Variants in NEU1 observed in about 807,000 individuals in gnomAD.
The protein encoded by NEU1 is sialidase-1.
NEU1 carries 32 observed loss-of-function variants against 38.3 expected under a neutral mutation model. That is an observed-to-expected ratio of 0.84 (90% CI 0.63 to 1.12). The LOEUF (loss-of-function observed/expected upper bound fraction) is 1.12, where lower values mean the gene tolerates loss of function less well. NEU1 is among the 50% of genes most tolerant of loss of function. The pLI is 0.00. For synonymous variants in NEU1, 192 were observed against 225.2 expected (o/e 0.85, Z 1.32); for missense variants, 431 against 549.2 (o/e 0.78, Z 2.15).
rs1025910167 is a variant in NEU1, at chr6:31,858,711, C to T, written c.*1008G>A. 3 of 151,890 alleles carry T rather than the reference C, an allele frequency of 2.0e-5. No homozygotes were observed. The highest frequency in any genetic ancestry group is 2.9e-5 in the Non-Finnish European group (2 of 67,976). The allele number at this position is 151,890 out of a possible 1,614,324, so 9.4% of individuals were successfully genotyped here. A position where few individuals can be genotyped will look rare whatever the true frequency, so the allele number is the denominator to read the frequency against. On this transcript the variant is annotated 3_prime_UTR_variant, in exon 6 of 6. Coordinates refer to ENST00000375631, the MANE Select transcript of NEU1 (RefSeq NM_000434.4). ...TACACCTGTGAAGATCAACCTGTTT[C>T]TCGGTGATAAGAAGGAATGTAGGCT...
rs1762425506 is a variant in NEU1 at position 31,859,680 on chromosome 6, A to G, written c.*39T>C. The G allele has an allele frequency of 1.3e-6, 2 of 1,595,342 alleles. No homozygotes were observed. Among genetic ancestry groups the G allele is most frequent in the East Asian group, 4.5e-5 (2 of 44,812 alleles). On this transcript the variant is annotated 3_prime_UTR_variant, in exon 6 of 6. Coordinates refer to ENST00000375631, the MANE Select transcript of NEU1 (RefSeq NM_000434.4). Reference sequence around the variant, plus strand: ...TACAGACCCGTGTTCCTGAAGGCAGAGTCCTGAAGGCAGAATACCCCTGTG... The same window carrying G: ...TACAGACCCGTGTTCCTGAAGGCAGGGTCCTGAAGGCAGAATACCCCTGTG...
Position 31,862,620 on chromosome 6 carries a change from G to C in NEU1, c.157C>G (p.Leu53Val). The change falls in exon 1 of 6, where the codon CTG (leucine) becomes GTG (valine). Residue 53 changes from leucine (L) to valine (V), a missense_variant and splice_region_variant. Physicochemically the swap from Leu to Val is conservative, Grantham distance 32. Transcript: ENST00000375631. The surrounding 1 kb of genome is among the most constrained non-coding windows in gnomAD (Gnocchi z 6.3). ...GGGCTATGCAAAGGGTGACTCACCAGACCGAAGTCGTTCTCAGCCTTGGAC... is the reference window on the plus strand; with the variant it reads ...GGGCTATGCAAAGGGTGACTCACCACACCGAAGTCGTTCTCAGCCTTGGAC... ...SWSKAENDFG[L>V]VQPLVTMEQL... 1 of 1,613,118 alleles carries C rather than the reference G, an allele frequency of 6.2e-7. No homozygotes were observed. Among genetic ancestry groups the C allele is most frequent in the Admixed American group, 1.7e-5 (1 of 60,028 alleles).
chr6:31,861,965 T>C (rs1301582096), intron 2 of NEU1, 34 bp downstream of exon 2: 1 of 1,611,360 alleles, frequency 6.2e-7, no homozygotes, highest in South Asian at 1.1e-5. Flanking sequence ...CCATCCAACC[T>C]AGCACCGGCT....
rs553175467 is a variant in NEU1 at position 31,860,374 on chromosome 6, G to A, written c.798+65C>T. ...GAGCAGTCAGACCCTGGGTCTGTGC[G>A]TGAAATGATGTTCTGGAGGGCAGGG... is the stretch of plus-strand genomic sequence containing the variant. On this transcript the variant is annotated intron_variant, in intron 4 of 5. Transcript: ENST00000375631. This position sits in a 1 kb window ranked among gnomAD's most constrained non-coding sequence, Gnocchi z 4.8. The A allele has an allele frequency of 3.4e-4, 544 of 1,608,588 alleles. No individual in the cohort carries two copies. The highest frequency in any genetic ancestry group is 1.0e-3 in the Admixed American group (62 of 59,998).
In NEU1 at chr6:31,860,978, T is replaced by C; in HGVS notation, c.615+210A>G. On this transcript the variant is annotated intron_variant, in intron 3 of 5. Coordinates refer to ENST00000375631, the MANE Select transcript of NEU1 (RefSeq NM_000434.4). This position sits in a 1 kb window ranked among gnomAD's most constrained non-coding sequence, Gnocchi z 4.8. Reference sequence around the variant, plus strand: ...GGTATTGCATGGACTAACGCAGTCCTGTTGACAATGCCAAATGGGAAGCCA... The same window carrying C: ...GGTATTGCATGGACTAACGCAGTCCCGTTGACAATGCCAAATGGGAAGCCA... 1.5e-6 allele frequency: 1 copy of C among 669,760 alleles called. No individual in the cohort carries two copies. Among genetic ancestry groups the C allele is most frequent in the South Asian group, 1.9e-5 (1 of 52,926 alleles). The allele number at this position is 669,760 out of a possible 1,614,324, so 41.5% of individuals were successfully genotyped here.
chr6:31,862,308 C>T lies in NEU1; in HGVS notation c.160-117G>A, dbSNP rs1762553926. ...GGATCCCGAGTAGGGGATGGGGTCC[C>T]AGAACAAGAAAGAGGAACACGAAGG... On this transcript the variant is annotated intron_variant, in intron 1 of 5. Transcript: ENST00000375631. The surrounding 1 kb of genome is among the most constrained non-coding windows in gnomAD (Gnocchi z 6.3). 8 of 1,166,080 alleles carry T rather than the reference C, an allele frequency of 6.9e-6. No individual in the cohort carries two copies. Among genetic ancestry groups the T allele is most frequent in the Non-Finnish European group, 1.0e-5 (8 of 799,174 alleles). The allele number at this position is 1,166,080 out of a possible 1,614,324, so 72.2% of individuals were successfully genotyped here. A position where few individuals can be genotyped will look rare whatever the true frequency, so the allele number is the denominator to read the frequency against.
At position 31,862,544 on chromosome 6, in the gene NEU1, C is replaced by T. The variant is rs1762564998; in HGVS notation, c.159+74G>A. 1 of 1,606,768 alleles carries T rather than the reference C, an allele frequency of 6.2e-7. No homozygotes were observed. The highest frequency in any genetic ancestry group is 1.1e-5 in the South Asian group (1 of 90,974). Reference sequence around the variant, plus strand: ...CTGTCGCGGAAAGTCGGCTCAGCCGCCCGCGTTCCGGGGGACACTAGGTGT... The same window carrying T: ...CTGTCGCGGAAAGTCGGCTCAGCCGTCCGCGTTCCGGGGGACACTAGGTGT... On this transcript the variant is annotated intron_variant, in intron 1 of 5. Coordinates refer to ENST00000375631, the MANE Select transcript of NEU1 (RefSeq NM_000434.4). The surrounding 1 kb of genome is among the most constrained non-coding windows in gnomAD (Gnocchi z 6.3).
Position 31,860,713 on chromosome 6 carries a change from T to G in NEU1, c.616-92A>C. On this transcript the variant is annotated intron_variant, in intron 3 of 5. Transcript: ENST00000375631. This position sits in a 1 kb window ranked among gnomAD's most constrained non-coding sequence, Gnocchi z 4.8. ...CCACCACTTCCCAAATGCAATCACA[T>G]GTATGGTCCCCTTGAGTTCAGCCCT... 7.2e-7 allele frequency: 1 copy of G among 1,396,948 alleles called. No homozygotes were observed. Among genetic ancestry groups the G allele is most frequent in the East Asian group, 2.3e-5 (1 of 43,780 alleles). 86.5% of individuals were successfully genotyped at this position (1,396,948 alleles called of 1,614,324 possible). A position where few individuals can be genotyped will look rare whatever the true frequency, so the allele number is the denominator to read the frequency against.
In NEU1 at chr6:31,859,648, G is replaced by A. The variant is rs1192297318; in HGVS notation, c.*71C>T. The A allele has an allele frequency of 3.4e-6, 5 of 1,476,254 alleles. No individual in the cohort carries two copies. Among genetic ancestry groups the A allele is most frequent in the Admixed American group, 1.7e-5 (1 of 59,466 alleles). 91.4% of individuals were successfully genotyped at this position (1,476,254 alleles called of 1,614,324 possible). On this transcript the variant is annotated 3_prime_UTR_variant, in exon 6 of 6. Coordinates refer to ENST00000375631, the MANE Select transcript of NEU1 (RefSeq NM_000434.4). Reference sequence around the variant, plus strand: ...AACTGTCTTTCAGGCGTCTCCAGCAGACCCTCTACAGACCCGTGTTCCTGA... The same window carrying A: ...AACTGTCTTTCAGGCGTCTCCAGCAAACCCTCTACAGACCCGTGTTCCTGA...
intron 2 of NEU1, 65 bp from the exon 3 acceptor site, chr6:31,861,515 C>T (rs1383933072): frequency 3.1e-6 from 5 of 1,607,248 alleles, no homozygotes; most frequent in African/African-American, 2.7e-5. Context: ...TACCACTTCC[C>T]GTTAATTTCC....
At chr6:31,861,646 C>CA in intron 2 of NEU1, 196 bp from the exon 3 acceptor site, 4 of 678,494 alleles carry the variant, frequency 5.9e-6, no homozygotes, top group Non-Finnish European at 9.9e-6. Flanking sequence ...TTGCAACAGA[C>CA]AAAAAAGTTT....
intron 2 of NEU1, 58 bp from the exon 3 acceptor site, chr6:31,861,508 C>A (rs1762512704): frequency 6.2e-7 from 1 of 1,610,052 alleles, no homozygotes; most frequent in South Asian, 1.1e-5. Flanking sequence ...CCCTTTCTAC[C>A]ACTTCCCGTT....
At position 31,859,877 on chromosome 6, in the gene NEU1, A is replaced by G. The variant is rs1762435072; in HGVS notation, c.1090T>C (p.Trp364Arg). ...TSWRKETVQL[W>R]PGPSGYSSLA... is the part of the protein sequence containing the mutation. Reference sequence around the variant, plus strand: ...GATGAATAGCCACTGGGGCCTGGCCATAGCTGGACTGTCTCTTTCCGCCAT... The same window carrying G: ...GATGAATAGCCACTGGGGCCTGGCCGTAGCTGGACTGTCTCTTTCCGCCAT... Residue 364 changes from tryptophan to arginine, a missense_variant, in exon 6 of 6, where the codon TGG becomes CGG. Trp to Arg is a moderately radical substitution (Grantham distance 101). Transcript: ENST00000375631. 5.0e-6 allele frequency: 8 copies of G among 1,613,082 alleles called. No individual in the cohort carries two copies. The highest frequency in any genetic ancestry group is 6.8e-6 in the Non-Finnish European group (8 of 1,180,026).
chr6:31,862,542 C>A lies in NEU1; in HGVS notation c.159+76G>T. 3.1e-6 allele frequency: 5 copies of A among 1,605,316 alleles called. No homozygotes were observed. The Admixed American group carries it at 6.7e-5, about 21-fold the overall frequency. On this transcript the variant is annotated intron_variant, in intron 1 of 5. Transcript: ENST00000375631. The surrounding 1 kb of genome is among the most constrained non-coding windows in gnomAD (Gnocchi z 6.3). ...TCCTGTCGCGGAAAGTCGGCTCAGC[C>A]GCCCGCGTTCCGGGGGACACTAGGT...
Position 31,861,942 on chromosome 6 carries a change from T to C in NEU1, c.352+57A>G, listed in dbSNP as rs898814418. 8 of 1,594,920 alleles carry C rather than the reference T, an allele frequency of 5.0e-6. No individual in the cohort carries two copies. In the African/African-American group the frequency reaches 9.4e-5, roughly 19 times the overall value. On this transcript the variant is annotated intron_variant, in intron 2 of 5. Coordinates refer to ENST00000375631, the MANE Select transcript of NEU1 (RefSeq NM_000434.4). ...CCTATCCTCAGGGCCCTTGGGCTCA[T>C]TGGGCTGCCCACCCATCCAACCTAG...
chr6:31,859,921 C>T lies in NEU1; in HGVS notation c.1046G>A (p.Ser349Asn). ...EFRVNLTLRW[S>N]FSNGTSWRKE... is the part of the protein sequence containing the mutation. ...CCGCCATGAGGTACCATTGCTGAAGCTCCATCGCAGGGTCAGGTTCACTCC... is the reference window on the plus strand; with the variant it reads ...CCGCCATGAGGTACCATTGCTGAAGTTCCATCGCAGGGTCAGGTTCACTCC... The change falls in exon 6 of 6, where the codon AGC becomes AAC. Residue 349 changes from serine (S) to asparagine (N), a missense_variant. Ser to Asn is a conservative substitution (Grantham distance 46, BLOSUM62 1). Coordinates refer to ENST00000375631, the MANE Select transcript of NEU1 (RefSeq NM_000434.4). The T allele has an allele frequency of 6.2e-7, 1 of 1,613,020 alleles. No individual in the cohort carries two copies.
chr6:31,862,289 C>T lies in NEU1; in HGVS notation c.160-98G>A. The T allele has an allele frequency of 7.7e-7, 1 of 1,302,200 alleles. No individual in the cohort carries two copies. Among genetic ancestry groups the T allele is most frequent in the Non-Finnish European group, 1.1e-6 (1 of 916,508 alleles). The allele number at this position is 1,302,200 out of a possible 1,614,324, so 80.7% of individuals were successfully genotyped here. A position where few individuals can be genotyped will look rare whatever the true frequency, so the allele number is the denominator to read the frequency against. Reference sequence around the variant, plus strand: ...GAGAGGGAGGATCTAATGGGGATCCCGAGTAGGGGATGGGGTCCCAGAACA... The same window carrying T: ...GAGAGGGAGGATCTAATGGGGATCCTGAGTAGGGGATGGGGTCCCAGAACA... On this transcript the variant is annotated intron_variant, in intron 1 of 5. Coordinates refer to ENST00000375631, the MANE Select transcript of NEU1 (RefSeq NM_000434.4). The surrounding 1 kb of genome is among the most constrained non-coding windows in gnomAD (Gnocchi z 6.3).
chr6:31,860,836 C>T lies in NEU1; in HGVS notation c.616-215G>A, dbSNP rs1762481685. 3.1e-6 allele frequency: 2 copies of T among 650,844 alleles called. No homozygotes were observed. Among genetic ancestry groups the T allele is most frequent in the African/African-American group, 3.6e-5 (2 of 55,084 alleles). 40.3% of individuals were successfully genotyped at this position (650,844 alleles called of 1,614,324 possible). On this transcript the variant is annotated intron_variant, in intron 3 of 5. Coordinates refer to ENST00000375631, the MANE Select transcript of NEU1 (RefSeq NM_000434.4). The surrounding 1 kb of genome is among the most constrained non-coding windows in gnomAD (Gnocchi z 4.8). ...ACAGCTGGACATGTGCACCAGGGGCCCAGCCACAGGGTGCATGAGAGCTTA... is the reference window on the plus strand; with the variant it reads ...ACAGCTGGACATGTGCACCAGGGGCTCAGCCACAGGGTGCATGAGAGCTTA...
Position 31,860,194 on chromosome 6 carries a change from C to T in NEU1, c.869G>A (p.Arg290Gln), listed in dbSNP as rs758877243. ...RNQNNYHCHC[R>Q]IVLRSYDACD... ...GGCATCATAGCTGCGGAGGACAATT[C>T]GGCAGTGGCAGTGGTAGTTGTTCTG... The change falls in exon 5 of 6, where the codon CGA becomes CAA. Residue 290 changes from arginine (R) to glutamine (Q), a missense_variant. Transcript: ENST00000375631. The surrounding 1 kb of genome is among the most constrained non-coding windows in gnomAD (Gnocchi z 4.8). 9.9e-6 allele frequency: 16 copies of T among 1,612,832 alleles called. No homozygotes were observed. The highest frequency in any genetic ancestry group is 1.3e-5 in the Non-Finnish European group (15 of 1,180,002).
Sources: allele counts gnomAD v4.1 joint callset, GRCh38; gene constraint gnomAD v4.1.1; non-coding constraint Gnocchi (gnomAD v3.1); transcripts MANE v1.5; gene names NCBI Gene and HGNC (gene_info 2026-07-23, HGNC 2026-07-21).